SLC22A4: variants seen among roughly 807,000 people sequenced by gnomAD.
The protein encoded by SLC22A4 is ET transporter.
A neutral mutation model predicts 56.6 loss-of-function variants in SLC22A4; 39 were observed. The ratio of observed to expected loss-of-function variants is 0.69; its 90% confidence interval spans 0.53 to 0.90. SLC22A4 has a LOEUF of 0.90. SLC22A4 is among the 40% of genes least tolerant of loss of function. SLC22A4 has a pLI of 0.00. For synonymous variants in SLC22A4, 241 were observed against 281.4 expected (o/e 0.86, Z 1.44); for missense variants, 594 against 696.5 (o/e 0.85, Z 1.66).
At position 132,304,633 on chromosome 5, in the gene SLC22A4, A is replaced by G. The variant is rs920291631; in HGVS notation, c.394-7528A>G. Among the ~76,000 whole-genome samples, 6 of 152,270 alleles carry G rather than the reference A, an allele frequency of 3.9e-5. No individual in the cohort carries two copies. In the East Asian group the frequency reaches 9.6e-4, roughly 24 times the overall value. ...CTTCATCTCGGAAAAGAAGAAGAAG[A>G]AAGATCAGGGAAATGGGGGTGGAAG... On this transcript the variant is annotated intron_variant, in intron 1 of 9. Transcript: ENST00000200652.
intron 1 of SLC22A4, among the ~76,000 whole-genome samples, chr5:132,297,607 A>G (rs1749809059): frequency 6.6e-6 from 1 of 152,006 alleles, no homozygotes; most frequent in Admixed American, 6.5e-5. Context: ...ACTAATCACT[A>G]GGGAAATGCA....
At chr5:132,297,109 G>A (rs1197986108) in intron 1 of SLC22A4, among the ~76,000 whole-genome samples, 1 of 152,156 alleles carries the variant, frequency 6.6e-6, no homozygotes, top group African/African-American at 2.4e-5. Context: ...CTTGAGGTCA[G>A]GAGTTTGAGA....
At position 132,294,598 on chromosome 5, in the gene SLC22A4, C is replaced by A. The variant is rs199926342; in HGVS notation, c.-19C>A. On this transcript the variant is annotated 5_prime_UTR_variant, in exon 1 of 10. Coordinates refer to ENST00000200652, the MANE Select transcript of SLC22A4 (RefSeq NM_003059.3). This position sits in a 1 kb window ranked among gnomAD's most constrained non-coding sequence, Gnocchi z 5.6. ...TGTCATCACCCGTAGTTGCAAGTTT[C>A]GGAGCGGCAGTGGGAAGCATGCGGG... 16 of 1,614,126 alleles carry A rather than the reference C, an allele frequency of 9.9e-6. No homozygotes were observed. In the Admixed American group the frequency reaches 2.2e-4, roughly 22 times the overall value.
At position 132,331,779 on chromosome 5, in the gene SLC22A4, G is replaced by A. The variant is rs541361427; in HGVS notation, c.975G>A (p.Gln325=). 6.2e-6 allele frequency: 10 copies of A among 1,613,682 alleles called. No homozygotes were observed. The East Asian group carries it at 2.2e-4, about 36-fold the overall frequency. The change falls in exon 6 of 10, where the codon CAG becomes CAA. Residue 325 remains glutamine, a synonymous_variant. Coordinates refer to ENST00000200652, the MANE Select transcript of SLC22A4 (RefSeq NM_003059.3). ...AGGAGCTAAATCCCCTGAAGCAGCA[G>A]AAAGCTTTCATTCTGGACCTGTTCA... ...SVEELNPLKQ[Q]KAFILDLFRT... is the part of the protein sequence containing the mutation.
At chr5:132,335,470 G>C (rs1750993605) in intron 7 of SLC22A4, among the ~76,000 whole-genome samples, 2 of 152,250 alleles carry the variant, frequency 1.3e-5, no homozygotes, top group South Asian at 4.2e-4. Flanking sequence ...TAAGAAAGAG[G>C]ATAGAAAGGA....
At chr5:132,315,397 G>C (rs1042046480) in intron 3 of SLC22A4, among the ~76,000 whole-genome samples, 40 of 152,202 alleles carry the variant, frequency 2.6e-4, no homozygotes, top group African/African-American at 9.6e-4. Flanking sequence ...CTTGTGCCAG[G>C]TGGTGGCATC....
At chr5:132,338,198 A>C (rs1751084295) in intron 8 of SLC22A4, among the ~76,000 whole-genome samples, 1 of 152,140 alleles carries the variant, frequency 6.6e-6, no homozygotes, top group Non-Finnish European at 1.5e-5. Flanking sequence ...TGTCCGGGGG[A>C]GACATCACAT....
chr5:132,333,976 T>C (rs1004471423), intron 6 of SLC22A4, among the ~76,000 whole-genome samples: 2 of 152,120 alleles, frequency 1.3e-5, no homozygotes, highest in African/African-American at 4.8e-5. Context: ...GCCTGGCTAA[T>C]TTTTGTCTTT....
chr5:132,295,192 T>A, intron 1 of SLC22A4, 183 bp downstream of exon 1: 1 of 769,604 alleles, frequency 1.3e-6, no homozygotes, highest in Non-Finnish European at 2.3e-6. Context: ...GGCGCATTCC[T>A]GGGTCGTTTC....
chr5:132,304,724 G>A (rs908009638), intron 1 of SLC22A4, among the ~76,000 whole-genome samples: 3 of 152,108 alleles, frequency 2.0e-5, no homozygotes, highest in Admixed American at 6.5e-5. Context: ...CAGAAATTAC[G>A]AGATATGCAG....
intron 8 of SLC22A4, among the ~76,000 whole-genome samples, chr5:132,339,609 C>T (rs1751143527): frequency 1.3e-5 from 2 of 152,156 alleles, no homozygotes; most frequent in Non-Finnish European, 2.9e-5. Flanking sequence ...CTGTGCCACA[C>T]CTGAGATAGC....
chr5:132,316,931 TGTG>T (rs1750376654), intron 3 of SLC22A4, among the ~76,000 whole-genome samples: 1 of 152,228 alleles, frequency 6.6e-6, no homozygotes. Context: ...TTTCCACAGT[TGTG>T]GAGGGTAGAA....
At chr5:132,339,195 T>C (rs272875) in intron 8 of SLC22A4, among the ~76,000 whole-genome samples, 88,488 of 152,062 alleles carry the variant, frequency 0.58, 26,253 homozygotes, top group Admixed American at 0.65. Flanking sequence ...GCAAACTCTT[T>C]GCAATGGAAG....
intron 1 of SLC22A4, among the ~76,000 whole-genome samples, chr5:132,301,311 G>T (rs1359332759): frequency 6.6e-6 from 1 of 152,272 alleles, no homozygotes; most frequent in Non-Finnish European, 1.5e-5. Flanking sequence ...GTGCTCCAGA[G>T]GCCCTGGGGG....
intron 1 of SLC22A4, among the ~76,000 whole-genome samples, chr5:132,307,546 G>A (rs1200059095): frequency 6.6e-6 from 1 of 152,120 alleles, no homozygotes; most frequent in African/African-American, 2.4e-5. Context: ...ATTTTGCTCA[G>A]GACAAATAAA....
At chr5:132,318,504 GTT>G (rs1750430926) in intron 3 of SLC22A4, among the ~76,000 whole-genome samples, 1 of 152,112 alleles carries the variant, frequency 6.6e-6, no homozygotes, top group Non-Finnish European at 1.5e-5. Context: ...CTACAGTCTT[GTT>G]TCTTGAGCTG....
At chr5:132,337,902 ATT>A (rs34031485) in intron 8 of SLC22A4, among the ~76,000 whole-genome samples, 2 of 144,740 alleles carry the variant, frequency 1.4e-5, no homozygotes, top group Non-Finnish European at 3.0e-5. Context: ...TGTCCGGCTA[ATT>A]TTTTTTTTTT....
chr5:132,315,158 C>T (rs1580829338), intron 3 of SLC22A4, among the ~76,000 whole-genome samples: 1 of 152,166 alleles, frequency 6.6e-6, no homozygotes, highest in Non-Finnish European at 1.5e-5. Flanking sequence ...TTCAAAGTCC[C>T]CAGAATCCAT....
rs1561547712 is a variant in SLC22A4 at position 132,335,922 on chromosome 5, G to A, written c.1366G>A (p.Val456Ile). 6.2e-7 allele frequency: 1 copy of A among 1,614,004 alleles called. No individual in the cohort carries two copies. Among genetic ancestry groups the A allele is most frequent in the African/African-American group, 1.3e-5 (1 of 74,906 alleles). The change falls in exon 8 of 10, where the codon GTC becomes ATC. Residue 456 changes from valine (V) to isoleucine (I), a missense_variant. Val to Ile is a conservative substitution (Grantham distance 29, BLOSUM62 3). Transcript: ENST00000200652. ...CACTGCTGAGCTCTACCCAACCCTG[G>A]TCAGGAACATGGCGGTGGGGGTCAC... ...VFTAELYPTL[V>I]RNMAVGVTST... is the part of the protein sequence containing the mutation.
Sources: allele counts gnomAD v4.1 joint callset (sites outside exome capture counted in the v4.1 genomes callset), GRCh38; gene constraint gnomAD v4.1.1; non-coding constraint Gnocchi (gnomAD v3.1); transcripts MANE v1.5; gene names NCBI Gene and HGNC (gene_info 2026-07-23, HGNC 2026-07-21).